Variants in SLC25A48 observed in about 807,000 individuals in gnomAD.
SLC25A48 encodes the protein CTC-321K16.1.
SLC25A48 carries 29 observed loss-of-function variants against 32.2 expected under a neutral mutation model. The ratio of observed to expected loss-of-function variants is 0.90; its 90% CI spans 0.67 to 1.23. The LOEUF is 1.23. Ranked by LOEUF, SLC25A48 falls within the 50% of genes most tolerant of loss-of-function variation. The pLI, the probability that SLC25A48 is intolerant of heterozygous loss-of-function variation, is 0.00. For missense variants in SLC25A48, 399 were observed against 422.7 expected (o/e 0.94, Z 0.49); for synonymous variants, 164 against 172.3 (o/e 0.95, Z 0.38).
intron 3 of SLC25A48, among the ~76,000 whole-genome samples, chr5:135,788,506 G>A (rs1756916460): frequency 6.7e-6 from 1 of 148,704 alleles, no homozygotes. Flanking sequence ...GGGTGGGGGT[G>A]TACACCTCCC....
intron 1 of SLC25A48, among the ~76,000 whole-genome samples, chr5:135,612,800 G>A (rs72787182): frequency 0.09 from 13,675 of 152,024 alleles, 618 homozygotes; most frequent in South Asian, 0.15. Flanking sequence ...AGTATACCAC[G>A]TTTTCTTTAT....
chr5:135,798,023 C>A (rs941385941), intron 3 of SLC25A48, among the ~76,000 whole-genome samples: 2 of 151,842 alleles, frequency 1.3e-5, no homozygotes, highest in South Asian at 4.2e-4. Flanking sequence ...AGGGTGTACA[C>A]CCTCCCGTGA....
At chr5:135,757,710 G>A (rs913029887) in intron 3 of SLC25A48, among the ~76,000 whole-genome samples, 1 of 149,614 alleles carries the variant, frequency 6.7e-6, no homozygotes, top group Non-Finnish European at 1.5e-5. Flanking sequence ...TCATCTAGAT[G>A]ATATTTATAC....
At chr5:135,768,162 T>A in intron 3 of SLC25A48, among the ~76,000 whole-genome samples, 1 of 132,350 alleles carries the variant, frequency 7.6e-6, no homozygotes, top group African/African-American at 2.9e-5. Flanking sequence ...GTACACCCAC[T>A]GCGATATTGG....
intron 3 of SLC25A48, among the ~76,000 whole-genome samples, chr5:135,715,305 G>A (rs1245472741): frequency 6.6e-6 from 1 of 152,222 alleles, no homozygotes; most frequent in African/African-American, 2.4e-5. Flanking sequence ...CATAAGCTGT[G>A]AGTCACTATA....
chr5:135,582,719 C>T (rs1751262698), intron 1 of SLC25A48, among the ~76,000 whole-genome samples: 2 of 152,184 alleles, frequency 1.3e-5, no homozygotes, highest in African/African-American at 4.8e-5. Flanking sequence ...TCTGCCTTGT[C>T]TTACCTTCAA....
intron 1 of SLC25A48, among the ~76,000 whole-genome samples, chr5:135,627,043 A>T (rs1752455304): frequency 6.6e-6 from 1 of 152,126 alleles, no homozygotes; most frequent in Non-Finnish European, 1.5e-5. Flanking sequence ...ATCTGTGAAA[A>T]AAGGAGAGCC....
chr5:135,621,809 A>G (rs571288882), intron 1 of SLC25A48, among the ~76,000 whole-genome samples: 1 of 152,322 alleles, frequency 6.6e-6, no homozygotes, highest in East Asian at 1.9e-4. Context: ...CCCAGAGTAC[A>G]GAGTAGAGAA....
intron 1 of SLC25A48, among the ~76,000 whole-genome samples, chr5:135,618,155 T>A (rs1186690687): frequency 6.6e-6 from 1 of 152,150 alleles, no homozygotes; most frequent in East Asian, 1.9e-4. Flanking sequence ...TTTATCCCTT[T>A]ATCATACAAT....
intron 1 of SLC25A48, among the ~76,000 whole-genome samples, chr5:135,590,505 C>T (rs1447290824): frequency 6.6e-6 from 1 of 152,190 alleles, no homozygotes; most frequent in Non-Finnish European, 1.5e-5. Flanking sequence ...ACTCCTCTTG[C>T]AAAATCACCC....
intron 6 of SLC25A48, among the ~76,000 whole-genome samples, chr5:135,878,880 T>G (rs1277209880): frequency 6.6e-6 from 1 of 152,012 alleles, no homozygotes; most frequent in Non-Finnish European, 1.5e-5. Flanking sequence ...CTCCCCACAA[T>G]CCCCCTCTCC....
chr5:135,736,395 A>G (rs1755361067), intron 3 of SLC25A48, among the ~76,000 whole-genome samples: 1 of 152,132 alleles, frequency 6.6e-6, no homozygotes, highest in South Asian at 2.1e-4. Flanking sequence ...TAAGGCATTT[A>G]GGTTTTAGGT....
chr5:135,884,370 A>G (rs1373499621), intron 7 of SLC25A48, among the ~76,000 whole-genome samples: 1 of 152,180 alleles, frequency 6.6e-6, no homozygotes, highest in African/African-American at 2.4e-5. Context: ...TGCCCTCCTC[A>G]ATATTTCTCC....
At chr5:135,654,993 A>G (rs1753209082) in intron 3 of SLC25A48, among the ~76,000 whole-genome samples, 1 of 152,240 alleles carries the variant, frequency 6.6e-6, no homozygotes, top group South Asian at 2.1e-4. Flanking sequence ...GTCAGTGTGA[A>G]CAGAGCTGTG....
At chr5:135,657,057 C>T (rs995411284) in intron 3 of SLC25A48, among the ~76,000 whole-genome samples, 1 of 152,192 alleles carries the variant, frequency 6.6e-6, no homozygotes, top group African/African-American at 2.4e-5. Context: ...CCCAGCATAA[C>T]CCCTCCTCAA....
At chr5:135,692,961 C>T (rs532500845) in intron 3 of SLC25A48, among the ~76,000 whole-genome samples, 128 of 152,264 alleles carry the variant, frequency 8.4e-4, no homozygotes, top group African/African-American at 3.0e-3. Context: ...AAATTTTCCT[C>T]CTTTGAAGAT....
chr5:135,884,953 G>C (rs529233386), intron 7 of SLC25A48, among the ~76,000 whole-genome samples: 1 of 152,222 alleles, frequency 6.6e-6, no homozygotes, highest in South Asian at 2.1e-4. Flanking sequence ...AAGCATTGCT[G>C]ATCCAGTTCA....
chr5:135,764,909 C>T (rs1215132126), intron 3 of SLC25A48, among the ~76,000 whole-genome samples: 1 of 150,984 alleles, frequency 6.6e-6, no homozygotes, highest in East Asian at 2.0e-4. Flanking sequence ...GATGTGTTTC[C>T]TAATATCTAG....
intron 3 of SLC25A48, among the ~76,000 whole-genome samples, chr5:135,798,951 T>C (rs532024519): frequency 6.6e-6 from 1 of 151,878 alleles, no homozygotes; most frequent in East Asian, 1.9e-4. Context: ...ATATTGTTTC[T>C]AATATCCGGG....
Sources: gnomAD v4.1 joint callset for allele counts (sites outside exome capture counted in the v4.1 genomes callset) on GRCh38, gnomAD v4.1.1 for gene constraint, MANE v1.5 for transcripts, NCBI Gene and HGNC (gene_info 2026-07-23, HGNC 2026-07-21) for gene names.